The following TXNRD3 variants were observed in gnomAD, a reference collection of about 807,000 sequenced individuals.
TXNRD3 encodes the protein thioredoxin reductase 3, also known as TXNRD3 neighbor gene protein.
A neutral mutation model predicts 78.2 loss-of-function variants in TXNRD3; 68 were observed. The ratio of observed to expected loss-of-function variants is 0.87; its 90% confidence interval spans 0.72 to 1.06. TXNRD3 has a LOEUF of 1.06. TXNRD3 is among the 50% of genes least tolerant of loss of function. The probability of loss-of-function intolerance (pLI) is 0.00; values close to 1 mark genes in which losing one functional copy is unlikely to be tolerated. For missense variants in TXNRD3, 751 were observed against 809.5 expected, an observed-to-expected ratio of 0.93 and a Z score of 0.88; for synonymous variants, 296 against 300.1, an observed-to-expected ratio of 0.99 and a Z score of 0.14.
Position 126,655,063 on chromosome 3 carries a change from G to A in TXNRD3, c.-73C>T. On this transcript the variant is annotated 5_prime_UTR_variant, in exon 1 of 16. Transcript: ENST00000524230. Reference sequence around the variant, plus strand: ...ACGCAGGCGGCTGCGGCGCCGGGACGGGGCCTGAGGGGCGGCGAACGCTGC... The same window carrying A: ...ACGCAGGCGGCTGCGGCGCCGGGACAGGGCCTGAGGGGCGGCGAACGCTGC... 3.9e-6 allele frequency: 5 copies of A among 1,290,314 alleles called. No homozygotes were observed. Among genetic ancestry groups the A allele is most frequent in the South Asian group, 2.2e-5 (1 of 44,636 alleles). 79.9% of individuals were successfully genotyped at this position (1,290,314 alleles called of 1,614,324 possible).
In TXNRD3 at chr3:126,640,094, C is replaced by CTTTTTT; in HGVS notation, c.712+1932_712+1937dup. Among the ~76,000 whole-genome samples, 17 of 14,308 alleles carry CTTTTTT rather than the reference C, an allele frequency of 1.2e-3. 3 individuals are homozygous for CTTTTTT. Among genetic ancestry groups the CTTTTTT allele is most frequent in the Non-Finnish European group, 1.9e-3 (9 of 4,718 alleles). 9.4% of individuals were successfully genotyped at this position (14,308 alleles called of 152,430 possible). Reference sequence around the variant, plus strand: ...AATAAACCAAAGCTGCTTGTGTTTTCTTTTTTTTTTTTTTTTTTTTTTTTT... The same window carrying CTTTTTT: ...AATAAACCAAAGCTGCTTGTGTTTTCTTTTTTTTTTTTTTTTTTTTTTTTTTTTTTT... On this transcript the variant is annotated intron_variant, in intron 6 of 15. Coordinates refer to ENST00000524230, the MANE Select transcript of TXNRD3 (RefSeq NM_052883.3).
intron 3 of TXNRD3, among the ~76,000 whole-genome samples, 191 bp from the exon 4 acceptor site, chr3:126,644,592 T>C (rs185334131): frequency 6.6e-5 from 10 of 152,354 alleles, no homozygotes; most frequent in Non-Finnish European, 1.3e-4. Context: ...TTAGAACTTA[T>C]ACCAAAGTAC....
Position 126,644,003 on chromosome 3 carries a change from C to CG in TXNRD3, c.569dup (p.Ser191ValfsTer21). 1 of 1,536,002 alleles carries CG rather than the reference C, an allele frequency of 6.5e-7. No individual in the cohort carries two copies. Among genetic ancestry groups the CG allele is most frequent in the South Asian group, 1.2e-5 (1 of 84,034 alleles). Reference sequence around the variant, plus strand: ...TACCCCAGGATGTGCCCTGAGGTGACGGGACAACAAAGTCTAGCACCATAA... The same window carrying CG: ...TACCCCAGGATGTGCCCTGAGGTGACGGGGACAACAAAGTCTAGCACCATAA... On this transcript the variant is annotated frameshift_variant, in exon 5 of 16. Coordinates refer to ENST00000524230, the MANE Select transcript of TXNRD3 (RefSeq NM_052883.3). LOFTEE classifies it high-confidence loss of function.
In TXNRD3 at chr3:126,621,861, T is replaced by G; in HGVS notation, c.1405A>C (p.Asn469His). The change falls in exon 12 of 16, where the codon AAT becomes CAT. Residue 469 changes from asparagine to histidine, a missense_variant. Coordinates refer to ENST00000524230, the MANE Select transcript of TXNRD3 (RefSeq NM_052883.3). The stretch of plus-strand genomic sequence containing the variant: ...CCAACAGCATAGACATATGGCACAT[T>G]GGTCTGTTCCACATCATTTACAGGT... The G allele has an allele frequency of 1.3e-6, 2 of 1,530,640 alleles. No individual in the cohort carries two copies. The highest frequency in any genetic ancestry group is 1.7e-6 in the Non-Finnish European group (2 of 1,145,536). The allele number at this position is 1,530,640 out of a possible 1,614,324, so 94.8% of individuals were successfully genotyped here.
Position 126,630,870 on chromosome 3 carries a change from G to C in TXNRD3, c.1039C>G (p.Leu347Val), listed in dbSNP as rs1052667483. The C allele has an allele frequency of 1.3e-6, 2 of 1,535,880 alleles. No individual in the cohort carries two copies. Among genetic ancestry groups the C allele is most frequent in the Non-Finnish European group, 1.7e-6 (2 of 1,146,890 alleles). ...CCAGCCAGAAACCCTGCACACTCCA[G>C]GGCAACATAAGAGGCACCCACCACT... The change falls in exon 9 of 16, where the codon CTG becomes GTG. Residue 347 changes from leucine to valine, a missense_variant. Physicochemically the swap from Leu to Val is conservative, Grantham distance 32. Coordinates refer to ENST00000524230, the MANE Select transcript of TXNRD3 (RefSeq NM_052883.3).
rs879891867 is a variant in TXNRD3 at position 126,650,642 on chromosome 3, G to GAA, written c.244-3348_244-3347dup. Among the ~76,000 whole-genome samples the GAA allele has an allele frequency of 6.8e-3, 954 of 139,312 alleles. 13 individuals carry two copies. Among genetic ancestry groups the GAA allele is most frequent in the African/African-American group, 0.024 (914 of 38,042 alleles). 91.4% of individuals were successfully genotyped at this position (139,312 alleles called of 152,430 possible). A position where few individuals can be genotyped will look rare whatever the true frequency, so the allele number is the denominator to read the frequency against. The stretch of plus-strand genomic sequence containing the variant: ...GGCAACAGAGCAAGACCCCATCTCA[G>GAA]AAAAAAAAAAAAGACCTCCCTAAAT... On this transcript the variant is annotated intron_variant, in intron 1 of 15. Coordinates refer to ENST00000524230, the MANE Select transcript of TXNRD3 (RefSeq NM_052883.3).
chr3:126,617,570 C>T (rs2107611970), intron 12 of TXNRD3, among the ~76,000 whole-genome samples: 1 of 152,294 alleles, frequency 6.6e-6, no homozygotes, highest in East Asian at 1.9e-4. Context: ...CATCTGAACA[C>T]ACTCATGCAA....
intron 10 of TXNRD3, among the ~76,000 whole-genome samples, chr3:126,624,372 CA>C (rs1343940055): frequency 6.6e-6 from 1 of 151,816 alleles, no homozygotes; most frequent in African/African-American, 2.4e-5. Flanking sequence ...AAAGGACAGA[CA>C]AACGGTCTAT....
intron 6 of TXNRD3, 67 bp downstream of exon 6, chr3:126,641,965 C>T: frequency 2.8e-6 from 4 of 1,409,998 alleles, no homozygotes; most frequent in Non-Finnish European, 3.7e-6. Context: ...ATATGAATAC[C>T]AAGTCTTTAT....
intron 15 of TXNRD3, among the ~76,000 whole-genome samples, chr3:126,608,268 G>T (rs1381825987): frequency 6.6e-6 from 1 of 152,132 alleles, no homozygotes; most frequent in East Asian, 1.9e-4. Context: ...GGCTGAGGCG[G>T]GAGAATCACT....
chr3:126,631,888 A>G lies in TXNRD3; in HGVS notation c.856-9T>C. On this transcript the variant is annotated splice_polypyrimidine_tract_variant and intron_variant, in intron 7 of 15. Coordinates refer to ENST00000524230, the MANE Select transcript of TXNRD3 (RefSeq NM_052883.3). The stretch of plus-strand genomic sequence containing the variant: ...CCTTTTTTATTGGTTGCCTTGAAAA[A>G]AGAGAAGTAAACCTCACTTAGCAAA... 6.6e-7 allele frequency: 1 copy of G among 1,523,804 alleles called. No individual in the cohort carries two copies. Among genetic ancestry groups the G allele is most frequent in the Non-Finnish European group, 8.8e-7 (1 of 1,135,638 alleles). 94.4% of individuals were successfully genotyped at this position (1,523,804 alleles called of 1,614,324 possible).
chr3:126,648,080 C>T (rs1380755894), intron 1 of TXNRD3, among the ~76,000 whole-genome samples: 3 of 151,888 alleles, frequency 2.0e-5, no homozygotes, highest in South Asian at 2.1e-4. Context: ...ATACCAATAA[C>T]GAACAATCCA....
chr3:126,637,035 G>C (rs1425834439), intron 6 of TXNRD3, among the ~76,000 whole-genome samples: 14 of 151,964 alleles, frequency 9.2e-5, no homozygotes, highest in African/African-American at 2.2e-4. Flanking sequence ...GACACCCCTG[G>C]TTTAAATTAT....
intron 6 of TXNRD3, among the ~76,000 whole-genome samples, chr3:126,637,721 C>T (rs1217046888): frequency 3.3e-5 from 5 of 151,972 alleles, no homozygotes; most frequent in African/African-American, 1.2e-4. Flanking sequence ...AGTAATATGA[C>T]TACTCTTATG....
In TXNRD3 at chr3:126,633,961, G is replaced by A. The variant is rs920493999; in HGVS notation, c.803C>T (p.Ala268Val). The A allele has an allele frequency of 1.3e-6, 2 of 1,521,390 alleles. No homozygotes were observed. Among genetic ancestry groups the A allele is most frequent in the Admixed American group, 4.0e-5 (2 of 50,182 alleles). The allele number at this position is 1,521,390 out of a possible 1,614,324, so 94.2% of individuals were successfully genotyped here. A position where few individuals can be genotyped will look rare whatever the true frequency, so the allele number is the denominator to read the frequency against. The change falls in exon 7 of 16, where the codon GCT becomes GTT. Residue 268 changes from alanine to valine, a missense_variant. Ala to Val is a moderately conservative substitution (Grantham distance 64, BLOSUM62 0). Transcript: ENST00000524230. ...TCCATAGGAATTGACATAGGCCACAGCCTTTTCCCTCAGAGACAACCTGTA... is the reference window on the plus strand; with the variant it reads ...TCCATAGGAATTGACATAGGCCACAACCTTTTCCCTCAGAGACAACCTGTA...
chr3:126,610,743 G>C (rs772109070), intron 14 of TXNRD3, among the ~76,000 whole-genome samples: 3 of 152,168 alleles, frequency 2.0e-5, no homozygotes, highest in Non-Finnish European at 2.9e-5. Context: ...GACACTGGTA[G>C]GGCTCAATCA....
At chr3:126,651,267 G>A (rs892198789) in intron 1 of TXNRD3, among the ~76,000 whole-genome samples, 2 of 152,126 alleles carry the variant, frequency 1.3e-5, no homozygotes, top group African/African-American at 4.8e-5. Flanking sequence ...GCGAAAGTAC[G>A]GGAAGATCTG....
intron 14 of TXNRD3, among the ~76,000 whole-genome samples, chr3:126,609,416 C>A (rs1042935627): frequency 3.3e-5 from 5 of 152,128 alleles, no homozygotes; most frequent in Admixed American, 2.0e-4. Flanking sequence ...GCAGAAGCTG[C>A]CAGGGCTGGG....
intron 11 of TXNRD3, 107 bp downstream of exon 11, chr3:126,622,357 A>C (rs1175620914): frequency 8.2e-6 from 6 of 733,188 alleles, no homozygotes; most frequent in Non-Finnish European, 1.3e-5. Flanking sequence ...TGAACTTATA[A>C]GATAAATTAA....
Sources: gnomAD v4.1 joint callset for allele counts (sites outside exome capture counted in the v4.1 genomes callset) on GRCh38, gnomAD v4.1.1 for gene constraint, MANE v1.5 for transcripts, NCBI Gene and HGNC (gene_info 2026-07-23, HGNC 2026-07-21) for gene names.